Variants in ASIC2 observed in about 807,000 individuals in gnomAD.
ASIC2 encodes the protein acid-sensing ion channel 2.
ASIC2 carries 25 observed loss-of-function variants against 57.3 expected under a neutral mutation model. The ratio of observed to expected loss-of-function variants is 0.44; its 90% CI spans 0.32 to 0.61. ASIC2 has a LOEUF of 0.61. Ranked by LOEUF, ASIC2 falls within the 20% of genes least tolerant of loss-of-function variation. The pLI, the probability that ASIC2 is intolerant of heterozygous loss-of-function variation, is 0.06. For synonymous variants in ASIC2, 319 were observed against 307.5 expected (o/e 1.04, Z -0.39); for missense variants, 641 against 738.1 (o/e 0.87, Z 1.52).
chr17:33,403,415 GTTGAGCTTATCTTGCAT>G (rs1467481150), intron 1 of ASIC2, among the ~76,000 whole-genome samples: 4 of 152,156 alleles, frequency 2.6e-5, no homozygotes. Flanking sequence ...GTCTAGCTGG[GTTGAGCTTATCTTGCAT>G]TTGAAGTAAT....
At chr17:33,937,338 A>T (rs1375931376) in intron 1 of ASIC2, among the ~76,000 whole-genome samples, 1 of 151,954 alleles carries the variant, frequency 6.6e-6, no homozygotes, top group Non-Finnish European at 1.5e-5. Flanking sequence ...ACCTCACGTG[A>T]TCTGCCCACC....
chr17:34,023,643 T>C (rs1907267774), intron 1 of ASIC2, among the ~76,000 whole-genome samples: 2 of 152,062 alleles, frequency 1.3e-5, no homozygotes, highest in South Asian at 4.2e-4. Context: ...TTCCTCACCA[T>C]GTGAGGACCT....
intron 1 of ASIC2, among the ~76,000 whole-genome samples, chr17:33,741,579 T>G (rs1910113117): frequency 6.6e-6 from 1 of 152,164 alleles, no homozygotes; most frequent in South Asian, 2.1e-4. Flanking sequence ...GCTGGGGTGA[T>G]GAAGAGTCTC....
At chr17:34,085,928 G>T (rs540164611) in intron 1 of ASIC2, among the ~76,000 whole-genome samples, 110 of 151,188 alleles carry the variant, frequency 7.3e-4, no homozygotes, top group African/African-American at 1.9e-3. Context: ...TTCTTCTCTC[G>T]TTTTTTCTTT....
At chr17:33,100,706 C>G (rs2092208793) in intron 2 of ASIC2, among the ~76,000 whole-genome samples, 3 of 152,186 alleles carry the variant, frequency 2.0e-5, no homozygotes, top group African/African-American at 4.8e-5. Flanking sequence ...CTTCGAAAAC[C>G]TGGACTGGGC....
intron 1 of ASIC2, among the ~76,000 whole-genome samples, chr17:33,798,656 T>C (rs1312745888): frequency 1.3e-5 from 2 of 152,204 alleles, no homozygotes; most frequent in African/African-American, 4.8e-5. Flanking sequence ...TTCAGGAATG[T>C]GCTGCAGGCT....
At chr17:33,991,052 A>T (rs753282466) in intron 1 of ASIC2, among the ~76,000 whole-genome samples, 4 of 152,188 alleles carry the variant, frequency 2.6e-5, no homozygotes, top group South Asian at 4.1e-4. Context: ...CAGCTTCTAA[A>T]CCACATGGGT....
chr17:33,264,586 G>A (rs1401127859), intron 1 of ASIC2, among the ~76,000 whole-genome samples: 1 of 152,206 alleles, frequency 6.6e-6, no homozygotes, highest in Non-Finnish European at 1.5e-5. Flanking sequence ...AGTAAGGGCG[G>A]CAGCTGAATT....
intron 1 of ASIC2, among the ~76,000 whole-genome samples, chr17:33,799,352 C>CTCTTTCTTTCTT (rs543095141): frequency 7.3e-6 from 1 of 136,172 alleles, no homozygotes; most frequent in East Asian, 2.2e-4. Flanking sequence ...TCCTCTCTTT[C>CTCTTTCTTTCTT]TCTTTCTTTC....
At chr17:33,629,672 C>T (rs1228238616) in intron 1 of ASIC2, among the ~76,000 whole-genome samples, 1 of 152,066 alleles carries the variant, frequency 6.6e-6, no homozygotes, top group African/African-American at 2.4e-5. Context: ...AGCCATGGCC[C>T]TATAGTGCTA....
intron 1 of ASIC2, among the ~76,000 whole-genome samples, chr17:33,882,299 A>C (rs1454991319): frequency 9.9e-5 from 15 of 152,262 alleles, no homozygotes. Flanking sequence ...ACAGCAAAAG[A>C]AACTATCATC....
chr17:33,518,746 G>C (rs1434090641), intron 1 of ASIC2, among the ~76,000 whole-genome samples: 1 of 152,196 alleles, frequency 6.6e-6, no homozygotes, highest in Non-Finnish European at 1.5e-5. Context: ...TAAATGCTTA[G>C]TGTGTTCCTA....
intron 1 of ASIC2, among the ~76,000 whole-genome samples, chr17:33,336,271 G>C (rs944470337): frequency 6.6e-6 from 1 of 152,042 alleles, no homozygotes; most frequent in Non-Finnish European, 1.5e-5. Context: ...AAGAGGAAGG[G>C]GCAGTGTCAA....
At chr17:33,952,649 T>C (rs1398026123) in intron 1 of ASIC2, among the ~76,000 whole-genome samples, 4 of 152,196 alleles carry the variant, frequency 2.6e-5, no homozygotes, top group Non-Finnish European at 4.4e-5. Context: ...ATACTTACTC[T>C]GAGTCATTAC....
intron 1 of ASIC2, among the ~76,000 whole-genome samples, chr17:34,149,387 T>C (rs1904426637): frequency 6.6e-6 from 1 of 152,184 alleles, no homozygotes; most frequent in Non-Finnish European, 1.5e-5. Flanking sequence ...ACTTCTATAA[T>C]CAGAAAGTGT....
intron 1 of ASIC2, among the ~76,000 whole-genome samples, chr17:34,024,163 G>A (rs147526962): frequency 0.011 from 1,652 of 152,296 alleles, 27 homozygotes; most frequent in Non-Finnish European, 0.014. Flanking sequence ...GAAGCCACAA[G>A]TATAGACATC....
At chr17:33,546,112 C>CAT (rs1007576960) in intron 1 of ASIC2, among the ~76,000 whole-genome samples, 7 of 150,072 alleles carry the variant, frequency 4.7e-5, no homozygotes, top group East Asian at 3.9e-4. Flanking sequence ...TATATATGTG[C>CAT]ATATATATAT....
chr17:33,416,973 G>A (rs1192276063), intron 1 of ASIC2, among the ~76,000 whole-genome samples: 1 of 152,120 alleles, frequency 6.6e-6, no homozygotes, highest in Non-Finnish European at 1.5e-5. Flanking sequence ...AAATGAGCAT[G>A]AGGCTTAATG....
chr17:34,019,369 A>G (rs1907076878), intron 1 of ASIC2, among the ~76,000 whole-genome samples: 1 of 152,246 alleles, frequency 6.6e-6, no homozygotes, highest in African/African-American at 2.4e-5. Context: ...AAATGCAGTC[A>G]AACAGCATCG....
Sources: gnomAD v4.1 joint callset for allele counts (sites outside exome capture counted in the v4.1 genomes callset) on GRCh38, gnomAD v4.1.1 for gene constraint, MANE v1.5 for transcripts, NCBI Gene and HGNC (gene_info 2026-07-23, HGNC 2026-07-21) for gene names.